The following TBX15 variants were observed in gnomAD, a reference collection of about 807,000 sequenced individuals.
TBX15 encodes the protein T-box transcription factor TBX15.
Under a neutral mutation model 53.9 loss-of-function variants are expected in TBX15, and 18 were observed. That is an observed-to-expected ratio of 0.33 (90% CI 0.23 to 0.49). TBX15 has a LOEUF of 0.49. Ranked by LOEUF, TBX15 falls within the 20% of genes least tolerant of loss-of-function variation. The probability of loss-of-function intolerance (pLI) is 0.98; values close to 1 mark genes in which losing one functional copy is unlikely to be tolerated. For synonymous variants in TBX15, 295 were observed against 278.0 expected (o/e 1.06, Z -0.61); for missense variants, 692 against 749.5 (o/e 0.92, Z 0.90).
At chr1:118,891,707 C>A (rs772022092) in intron 7 of TBX15, among the ~76,000 whole-genome samples, 2 of 152,090 alleles carry the variant, frequency 1.3e-5, no homozygotes, top group Non-Finnish European at 2.9e-5. Context: ...ATATGTAGGG[C>A]CAGGGGTTCT....
intron 1 of TBX15, among the ~76,000 whole-genome samples, chr1:118,936,250 C>G (rs1655962533): frequency 6.6e-6 from 1 of 152,082 alleles, no homozygotes; most frequent in Non-Finnish European, 1.5e-5. Context: ...CAAAAGCGAA[C>G]CAACTACAAT....
Position 118,988,046 on chromosome 1 carries a change from T to C in TBX15, c.-251A>G. ...AGCGCCCCGAGCGCCGCCCGCTCGC[T>C]GCATGAGCGCCCGAGTCCTGCTTCC... On this transcript the variant is annotated 5_prime_UTR_variant, in exon 1 of 8. Coordinates refer to ENST00000369429, the MANE Select transcript of TBX15 (RefSeq NM_001330677.2). 1.8e-6 allele frequency: 1 copy of C among 565,984 alleles called. No individual in the cohort carries two copies. The highest frequency in any genetic ancestry group is 3.1e-6 in the Non-Finnish European group (1 of 320,998). 35.1% of individuals were successfully genotyped at this position (565,984 alleles called of 1,614,324 possible).
In TBX15 at chr1:118,916,866, C is replaced by CA. The variant is rs1324521986; in HGVS notation, c.862-2688dup. 8.1e-5 allele frequency among the ~76,000 whole-genome samples: 12 copies of CA among 147,724 alleles called. No individual in the cohort carries two copies. In the South Asian group the frequency reaches 1.5e-3, roughly 18 times the overall value. On this transcript the variant is annotated intron_variant, in intron 5 of 7. Coordinates refer to ENST00000369429, the MANE Select transcript of TBX15 (RefSeq NM_001330677.2). ...GGATGACAGAGCAAGACTCTGTCTC[C>CA]AAAAAAAATAAAGAAATAAAAAATA...
intron 1 of TBX15, among the ~76,000 whole-genome samples, chr1:118,939,146 C>G (rs1421386931): frequency 1.3e-5 from 2 of 151,972 alleles, no homozygotes; most frequent in Non-Finnish European, 2.9e-5. Flanking sequence ...ATGGCTCATG[C>G]CTATAATCTT....
intron 6 of TBX15, among the ~76,000 whole-genome samples, chr1:118,903,341 A>G (rs564597137): frequency 6.6e-6 from 1 of 152,288 alleles, no homozygotes; most frequent in South Asian, 2.1e-4. Context: ...ACAGAAAAAA[A>G]CATCCTTGCA....
chr1:118,922,686 A>G (rs1250967272), intron 5 of TBX15, among the ~76,000 whole-genome samples: 3 of 152,224 alleles, frequency 2.0e-5, no homozygotes, highest in Non-Finnish European at 2.9e-5. Flanking sequence ...GAATGTACTC[A>G]TGTGCTAGAA....
chr1:118,919,992 A>C (rs750929850), intron 5 of TBX15, among the ~76,000 whole-genome samples: 23 of 152,224 alleles, frequency 1.5e-4, no homozygotes, highest in Non-Finnish European at 2.8e-4. Context: ...TCAGTGGACC[A>C]TAAAAAACTT....
chr1:118,923,460 T>C lies in TBX15; in HGVS notation c.837A>G (p.Thr279=), dbSNP rs140670116. Residue 279 remains threonine (T), a synonymous_variant, in exon 5 of 8, where the codon ACA becomes ACG. Coordinates refer to ENST00000369429, the MANE Select transcript of TBX15 (RefSeq NM_001330677.2). ...TFNFPETVFT[T]VTAYQNQQIT... is the part of the protein sequence containing the mutation. ...CCTGCTGATTCTGATAGGCCGTAAC[T>C]GTGGTGAACACAGTCTCAGGAAAGT... 4.5e-4 allele frequency: 719 copies of C among 1,613,966 alleles called. 2 individuals are homozygous for C. The African/African-American group carries it at 7.1e-3, about 16-fold the overall frequency.
Position 118,899,040 on chromosome 1 carries a change from G to T in TBX15, c.1012C>A (p.Gln338Lys). The change falls in exon 7 of 8, where the codon CAG becomes AAG. Residue 338 changes from glutamine (Q) to lysine (K), a missense_variant. Gln to Lys is a moderately conservative substitution (Grantham distance 53, BLOSUM62 1). This residue lies in a region of TBX15 where 375 missense variants were observed against 371.6 expected (regional missense o/e 1.01). Transcript: ENST00000369429. ...TCCAGGGCTTTACCTTGCTGCTTCTGCATGGTGGTGAAGTCTTCGAAGGTG... is the reference window on the plus strand; with the variant it reads ...TCCAGGGCTTTACCTTGCTGCTTCTTCATGGTGGTGAAGTCTTCGAAGGTG... Reference protein sequence around the residue: ...TLTFEDFTTMQKQQGGSTGTS... With the variant: ...TLTFEDFTTMKKQQGGSTGTS... 1 of 1,613,570 alleles carries T rather than the reference G, an allele frequency of 6.2e-7. No individual in the cohort carries two copies. The highest frequency in any genetic ancestry group is 8.5e-7 in the Non-Finnish European group (1 of 1,179,722).
At chr1:118,985,062 G>C (rs1315661093) in intron 1 of TBX15, among the ~76,000 whole-genome samples, 2 of 152,228 alleles carry the variant, frequency 1.3e-5, no homozygotes, top group Non-Finnish European at 2.9e-5. Context: ...GGTGCTATGA[G>C]AGATGGTGAG....
intron 1 of TBX15, among the ~76,000 whole-genome samples, chr1:118,971,413 G>A (rs1162498718): frequency 1.3e-5 from 2 of 152,144 alleles, no homozygotes; most frequent in East Asian, 1.9e-4. Flanking sequence ...AGTGGCTGTA[G>A]TGGTCACAAA....
intron 1 of TBX15, among the ~76,000 whole-genome samples, chr1:118,948,569 G>A (rs1656414445): frequency 6.6e-6 from 1 of 152,136 alleles, no homozygotes; most frequent in Non-Finnish European, 1.5e-5. Context: ...TCCCCTCTGG[G>A]CCTCAGTGCA....
chr1:118,917,307 C>G (rs1008684582), intron 5 of TBX15, among the ~76,000 whole-genome samples: 3 of 152,136 alleles, frequency 2.0e-5, no homozygotes, highest in Admixed American at 1.3e-4. Context: ...CCTAAGCAAA[C>G]GAACGCAGGA....
intron 6 of TBX15, among the ~76,000 whole-genome samples, chr1:118,904,332 CT>C (rs1425815560): frequency 6.6e-6 from 1 of 152,140 alleles, no homozygotes; most frequent in Non-Finnish European, 1.5e-5. Context: ...ACCTTCCATA[CT>C]TCTTTCTCCT....
chr1:118,986,699 C>T (rs1292295536), intron 1 of TBX15, among the ~76,000 whole-genome samples: 1 of 152,216 alleles, frequency 6.6e-6, no homozygotes, highest in Non-Finnish European at 1.5e-5. Flanking sequence ...CACCTTCCAG[C>T]ATGGTTTTAG....
intron 6 of TBX15, among the ~76,000 whole-genome samples, chr1:118,907,221 G>A (rs1396473339): frequency 6.6e-6 from 1 of 152,152 alleles, no homozygotes; most frequent in African/African-American, 2.4e-5. Flanking sequence ...ACCTGCAGCT[G>A]TACTAGATGC....
intron 6 of TBX15, among the ~76,000 whole-genome samples, chr1:118,902,702 A>G (rs932892600): frequency 6.6e-6 from 1 of 152,156 alleles, no homozygotes; most frequent in African/African-American, 2.4e-5. Flanking sequence ...CATTCCAGCC[A>G]TAGAACTTCT....
At chr1:118,898,286 G>A (rs1654498368) in intron 7 of TBX15, among the ~76,000 whole-genome samples, 1 of 152,136 alleles carries the variant, frequency 6.6e-6, no homozygotes, top group Non-Finnish European at 1.5e-5. Context: ...AATTCAGTGT[G>A]CAAAATGTTA....
chr1:118,892,203 A>C (rs1174743820), intron 7 of TBX15, among the ~76,000 whole-genome samples: 1 of 152,172 alleles, frequency 6.6e-6, no homozygotes, highest in Admixed American at 6.5e-5. Flanking sequence ...AAAATACATA[A>C]TCTCTTAAAT....
Sources: gnomAD v4.1 joint callset for allele counts (sites outside exome capture counted in the v4.1 genomes callset) on GRCh38, gnomAD v4.1.1 for gene constraint, gnomAD v4.1.1 regional missense constraint, MANE v1.5 for transcripts, NCBI Gene and HGNC (gene_info 2026-07-23, HGNC 2026-07-21) for gene names.